SPOCK3: variants seen among roughly 807,000 people sequenced by gnomAD.
SPOCK3 encodes testican-3.
In SPOCK3, 30 loss-of-function variants were observed where a neutral mutation model predicts 56.6. The observed-to-expected ratio is 0.53, with a 90% CI of 0.40 to 0.72. The LOEUF (loss-of-function observed/expected upper bound fraction) is 0.72. Ranked by LOEUF, SPOCK3 falls within the 30% of genes least tolerant of loss-of-function variation. SPOCK3 has a pLI of 0.00. For synonymous variants in SPOCK3, 196 were observed against 183.3 expected (o/e 1.07, Z -0.56); for missense variants, 527 against 530.0 (o/e 0.99, Z 0.06).
chr4:166,832,179 T>C (rs1180286332), intron 6 of SPOCK3, among the ~76,000 whole-genome samples: 3 of 152,158 alleles, frequency 2.0e-5, no homozygotes, highest in African/African-American at 7.2e-5. Context: ...TCCAGAATGA[T>C]GTTTCCCATG....
chr4:167,150,019 T>C (rs866791534), intron 2 of SPOCK3, among the ~76,000 whole-genome samples: 5 of 152,106 alleles, frequency 3.3e-5, no homozygotes, highest in Middle Eastern at 3.2e-3. Flanking sequence ...GGGGAAAGCA[T>C]CTGACTGACA....
chr4:166,950,870 A>C (rs1742509238), intron 4 of SPOCK3, among the ~76,000 whole-genome samples: 1 of 147,656 alleles, frequency 6.8e-6, no homozygotes, highest in Admixed American at 6.6e-5. Context: ...AGAAATAAAG[A>C]TGTTCTTTGA....
chr4:166,788,199 CA>C (rs1740945711), intron 7 of SPOCK3, among the ~76,000 whole-genome samples: 1 of 151,814 alleles, frequency 6.6e-6, no homozygotes, highest in South Asian at 2.1e-4. Context: ...AACAAACAAA[CA>C]AACAAAAAAA....
Position 167,233,940 on chromosome 4 carries a change from A to T in SPOCK3, c.189+45T>A, listed in dbSNP as rs200389781. On this transcript the variant is annotated intron_variant, in intron 2 of 10. Transcript: ENST00000357545. ...CCGGCGGCCGCGGCCCCCGCCTCGG[A>T]GCAGCGCGCGCGTGTGCCCGGGGAT... 1.2e-3 allele frequency: 1,882 copies of T among 1,562,248 alleles called. 24 individuals are homozygous for T. The African/African-American group carries it at 0.022, about 18-fold the overall frequency.
At chr4:167,120,202 A>C (rs1761754062) in intron 2 of SPOCK3, among the ~76,000 whole-genome samples, 1 of 152,036 alleles carries the variant, frequency 6.6e-6, no homozygotes. Context: ...TCCTTGCTCT[A>C]TCACTTTCTA....
At chr4:167,145,598 AGAAGCCAACT>A (rs1380317439) in intron 2 of SPOCK3, among the ~76,000 whole-genome samples, 1 of 152,102 alleles carries the variant, frequency 6.6e-6, no homozygotes, top group Non-Finnish European at 1.5e-5. Context: ...GTGGTTTCTC[AGAAGCCAACT>A]GAAGAGGGTA....
chr4:166,946,140 G>C lies in SPOCK3; in HGVS notation c.351-33397C>G, dbSNP rs762021883. 2.0e-5 allele frequency among the ~76,000 whole-genome samples: 3 copies of C among 151,942 alleles called. No individual in the cohort carries two copies. In the South Asian group the frequency reaches 6.2e-4, roughly 31 times the overall value. On this transcript the variant is annotated intron_variant, in intron 4 of 10. Coordinates refer to ENST00000357545, the MANE Select transcript of SPOCK3 (RefSeq NM_001040159.2). ...TAATTCATTTGGTTATCTCTGTTTT[G>C]CTCATAAAAATGTCCCAGTTTGGAG...
intron 4 of SPOCK3, among the ~76,000 whole-genome samples, chr4:166,999,198 A>G (rs965195754): frequency 3.3e-5 from 5 of 152,124 alleles, no homozygotes; most frequent in African/African-American, 1.2e-4. Context: ...TTATTGATAT[A>G]CCATGATTCT....
chr4:167,186,327 C>T (rs1268743243), intron 2 of SPOCK3, among the ~76,000 whole-genome samples: 1 of 152,086 alleles, frequency 6.6e-6, no homozygotes, highest in Non-Finnish European at 1.5e-5. Flanking sequence ...TACTTGTTCA[C>T]ATTTAAAACA....
intron 8 of SPOCK3, among the ~76,000 whole-genome samples, chr4:166,742,864 T>C (rs72695594): frequency 0.05 from 7,655 of 152,224 alleles, 225 homozygotes; most frequent in Non-Finnish European, 0.056. Flanking sequence ...TACTCTTATA[T>C]TTACTGTTGC....
At chr4:167,214,415 C>T (rs573841237) in intron 2 of SPOCK3, among the ~76,000 whole-genome samples, 7 of 152,008 alleles carry the variant, frequency 4.6e-5, no homozygotes. Flanking sequence ...TAGAAAAAAA[C>T]AGTTTAGCGA....
chr4:167,198,729 C>T (rs1042201867), intron 2 of SPOCK3, among the ~76,000 whole-genome samples: 8 of 151,960 alleles, frequency 5.3e-5, no homozygotes, highest in Admixed American at 3.3e-4. Context: ...TTTCTGAGAA[C>T]GATAGTTCAA....
intron 6 of SPOCK3, among the ~76,000 whole-genome samples, chr4:166,834,517 A>G (rs1269712334): frequency 6.6e-6 from 1 of 152,196 alleles, no homozygotes; most frequent in Non-Finnish European, 1.5e-5. Context: ...TCAATTGGGA[A>G]CCATTGTTCT....
At chr4:166,877,901 A>G (rs1733262405) in intron 6 of SPOCK3, among the ~76,000 whole-genome samples, 1 of 152,158 alleles carries the variant, frequency 6.6e-6, no homozygotes, top group African/African-American at 2.4e-5. Flanking sequence ...TTAATTAGTA[A>G]TACATTAAGT....
chr4:166,896,796 A>T (rs1735432581), intron 5 of SPOCK3, among the ~76,000 whole-genome samples: 1 of 152,204 alleles, frequency 6.6e-6, no homozygotes, highest in South Asian at 2.1e-4. Context: ...TCAGTCTTAC[A>T]TTCTTGCTGC....
chr4:167,223,779 A>T (rs1736309110), intron 2 of SPOCK3, among the ~76,000 whole-genome samples: 1 of 152,144 alleles, frequency 6.6e-6, no homozygotes, highest in Non-Finnish European at 1.5e-5. Context: ...GCCAGTCCTT[A>T]TTCCTAAAAA....
intron 4 of SPOCK3, among the ~76,000 whole-genome samples, chr4:166,965,208 A>C (rs1744583157): frequency 6.6e-6 from 1 of 151,944 alleles, no homozygotes; most frequent in African/African-American, 2.4e-5. Context: ...TATTTTACCA[A>C]TTCATGTAAA....
At position 166,748,878 on chromosome 4, in the gene SPOCK3, C is replaced by T. The variant is rs1271278169; in HGVS notation, c.931+5630G>A. ...AAGTCATTTATGCCACCAACAGACA[C>T]AGAAAAAATGCTCATCATCACTGGC... On this transcript the variant is annotated intron_variant, in intron 8 of 10. Coordinates refer to ENST00000357545, the MANE Select transcript of SPOCK3 (RefSeq NM_001040159.2). 4.4e-5 allele frequency among the ~76,000 whole-genome samples: 6 copies of T among 137,354 alleles called. 1 individual carries two copies. Among genetic ancestry groups the T allele is most frequent in the African/African-American group, 1.9e-4 (6 of 32,314 alleles). The allele number at this position is 137,354 out of a possible 152,430, so 90.1% of individuals were successfully genotyped here.
chr4:166,931,526 G>C (rs1364568960), intron 4 of SPOCK3, among the ~76,000 whole-genome samples: 1 of 152,068 alleles, frequency 6.6e-6, no homozygotes, highest in Non-Finnish European at 1.5e-5. Flanking sequence ...CTTTTGAACA[G>C]AGATTTATGC....
Sources: allele counts gnomAD v4.1 joint callset (sites outside exome capture counted in the v4.1 genomes callset), GRCh38; gene constraint gnomAD v4.1.1; transcripts MANE v1.5; gene names NCBI Gene and HGNC (gene_info 2026-07-23, HGNC 2026-07-21).